The following RBMS3 variants were observed in gnomAD, a reference collection of about 807,000 sequenced individuals.
The protein encoded by RBMS3 is RNA binding motif single stranded interacting protein 3.
Under a neutral mutation model 66.8 loss-of-function variants are expected in RBMS3, and 27 were observed. The ratio of observed to expected loss-of-function variants is 0.40; its 90% CI spans 0.30 to 0.56. The LOEUF (loss-of-function observed/expected upper bound fraction) is 0.56, where lower values mean the gene tolerates loss of function less well. RBMS3 is among the 20% of genes least tolerant of loss of function. RBMS3 has a pLI of 0.40. For missense variants in RBMS3, 513 were observed against 549.5 expected, an observed-to-expected ratio of 0.93 and a Z score of 0.66; for synonymous variants, 188 against 183.0, an observed-to-expected ratio of 1.03 and a Z score of -0.22.
intron 12 of RBMS3, among the ~76,000 whole-genome samples, chr3:29,954,380 G>T (rs1162266761): frequency 6.6e-6 from 1 of 151,748 alleles, no homozygotes; most frequent in Non-Finnish European, 1.5e-5. Context: ...TCATAATCTT[G>T]CTTCTCAATC....
intron 12 of RBMS3, among the ~76,000 whole-genome samples, chr3:29,954,896 A>C (rs1173005367): frequency 2.0e-5 from 3 of 152,030 alleles, no homozygotes; most frequent in African/African-American, 7.2e-5. Flanking sequence ...TATCTTCAAG[A>C]ATATGTTAAT....
At chr3:29,784,331 G>C (rs575372130) in intron 6 of RBMS3, among the ~76,000 whole-genome samples, 163 of 152,192 alleles carry the variant, frequency 1.1e-3, no homozygotes, top group African/African-American at 3.8e-3. Context: ...ATTATATCAA[G>C]TATTCTCTCA....
intron 4 of RBMS3, among the ~76,000 whole-genome samples, chr3:29,723,201 C>G (rs57476840): frequency 6.6e-6 from 1 of 151,976 alleles, no homozygotes; most frequent in African/African-American, 2.4e-5. Flanking sequence ...GGTCTCAACT[C>G]CTGACCTCAG....
At chr3:29,422,184 A>G (rs1289665728) in intron 1 of RBMS3, among the ~76,000 whole-genome samples, 1 of 152,316 alleles carries the variant, frequency 6.6e-6, no homozygotes, top group South Asian at 2.1e-4. Flanking sequence ...TGCAGGATCT[A>G]TGTCCTTAGA....
intron 6 of RBMS3, among the ~76,000 whole-genome samples, chr3:29,815,710 C>T (rs953360300): frequency 6.6e-6 from 1 of 151,954 alleles, no homozygotes; most frequent in Non-Finnish European, 1.5e-5. Flanking sequence ...CCTTTGTTCT[C>T]ACTTATAAGT....
intron 1 of RBMS3, among the ~76,000 whole-genome samples, chr3:29,366,808 T>G (rs2037934825): frequency 6.6e-6 from 1 of 152,196 alleles, no homozygotes; most frequent in East Asian, 1.9e-4. Flanking sequence ...ATTTTATTCC[T>G]CTTTCTATAG....
chr3:29,460,213 G>C (rs1283683359), intron 2 of RBMS3, among the ~76,000 whole-genome samples: 1 of 152,104 alleles, frequency 6.6e-6, no homozygotes, highest in African/African-American at 2.4e-5. Flanking sequence ...AGTCTTTTCT[G>C]AATATACACA....
At chr3:29,383,097 G>A (rs1215646111) in intron 1 of RBMS3, among the ~76,000 whole-genome samples, 1 of 152,132 alleles carries the variant, frequency 6.6e-6, no homozygotes, top group Non-Finnish European at 1.5e-5. Flanking sequence ...GCAGCCTCTA[G>A]GGCAACAAGG....
chr3:29,661,626 C>T (rs776930935), intron 4 of RBMS3, among the ~76,000 whole-genome samples: 3 of 152,032 alleles, frequency 2.0e-5, no homozygotes, highest in Non-Finnish European at 2.9e-5. Context: ...GTTGGGAGTG[C>T]TCTAATATTC....
At chr3:29,646,884 T>C (rs556307163) in intron 4 of RBMS3, among the ~76,000 whole-genome samples, 1 of 152,336 alleles carries the variant, frequency 6.6e-6, no homozygotes, top group South Asian at 2.1e-4. Context: ...GCAAGTCAGC[T>C]ATCTTGCATA....
At chr3:29,295,344 T>C (rs2196548) in intron 1 of RBMS3, among the ~76,000 whole-genome samples, 6,693 of 143,792 alleles carry the variant, frequency 0.047, 213 homozygotes, top group South Asian at 0.069. Context: ...CATATATATA[T>C]ACATATATAT....
At chr3:29,420,823 G>A (rs1000299680) in intron 1 of RBMS3, among the ~76,000 whole-genome samples, 1 of 151,816 alleles carries the variant, frequency 6.6e-6, no homozygotes, top group Non-Finnish European at 1.5e-5. Context: ...GGCTATTATC[G>A]GCCAGGCACG....
At chr3:29,312,722 A>G (rs1181785263) in intron 1 of RBMS3, among the ~76,000 whole-genome samples, 1 of 149,932 alleles carries the variant, frequency 6.7e-6, no homozygotes, top group African/African-American at 2.5e-5. Flanking sequence ...TCTCTCACCT[A>G]AAGAGTCCAT....
intron 14 of RBMS3, 48 bp from the exon 15 acceptor site, chr3:30,003,808 C>T: frequency 1.5e-6 from 2 of 1,342,892 alleles, no homozygotes; most frequent in Non-Finnish European, 2.0e-6. Context: ...AAGGTGATTT[C>T]AAAGTTACTT....
At chr3:29,293,483 G>A (rs1470607963) in intron 1 of RBMS3, among the ~76,000 whole-genome samples, 4 of 151,780 alleles carry the variant, frequency 2.6e-5, no homozygotes, top group African/African-American at 4.8e-5. Context: ...GCTAACATAA[G>A]CCTTTGTTAG....
intron 1 of RBMS3, among the ~76,000 whole-genome samples, chr3:29,393,939 G>A (rs973797659): frequency 1.3e-5 from 2 of 152,134 alleles, no homozygotes; most frequent in African/African-American, 2.4e-5. Flanking sequence ...AGGCTAGAGC[G>A]AAATTAGAAT....
intron 6 of RBMS3, among the ~76,000 whole-genome samples, chr3:29,837,407 T>C (rs2058540407): frequency 1.3e-5 from 2 of 151,736 alleles, no homozygotes; most frequent in Admixed American, 6.6e-5. Context: ...ATAATTGTTA[T>C]ACATTTAGAA....
chr3:29,929,105 T>A (rs925258099), intron 10 of RBMS3, among the ~76,000 whole-genome samples: 1 of 152,164 alleles, frequency 6.6e-6, no homozygotes, highest in Non-Finnish European at 1.5e-5. Flanking sequence ...AATCTTAAGA[T>A]CAATTCTGTA....
At chr3:29,478,620 T>C (rs144071464) in intron 2 of RBMS3, among the ~76,000 whole-genome samples, 28 of 152,368 alleles carry the variant, frequency 1.8e-4, no homozygotes, top group African/African-American at 6.5e-4. Context: ...TACTGAAATG[T>C]GGCTCTGAAA....
Sources: gnomAD v4.1 joint callset for allele counts (sites outside exome capture counted in the v4.1 genomes callset) on GRCh38, gnomAD v4.1.1 for gene constraint, MANE v1.5 for transcripts, NCBI Gene and HGNC (gene_info 2026-07-23, HGNC 2026-07-21) for gene names.